Variants in ABAT observed in about 807,000 individuals in gnomAD.
The protein encoded by ABAT is 4-aminobutyrate aminotransferase, mitochondrial.
A neutral mutation model predicts 64.6 loss-of-function variants in ABAT; 45 were observed. The ratio of observed to expected loss-of-function variants is 0.70; its 90% confidence interval spans 0.55 to 0.89. The LOEUF is 0.89. ABAT is among the 40% of genes least tolerant of loss of function. The pLI is 0.00. For missense variants in ABAT, 633 were observed against 658.4 expected (o/e 0.96, Z 0.42); for synonymous variants, 297 against 250.5 (o/e 1.19, Z -1.75).
intron 5 of ABAT, among the ~76,000 whole-genome samples, chr16:8,755,342 G>A (rs1596458252): frequency 6.6e-6 from 1 of 152,216 alleles, no homozygotes; most frequent in Non-Finnish European, 1.5e-5. Context: ...GGAGGCAGAG[G>A]TGGGAATGAG....
intron 1 of ABAT, among the ~76,000 whole-genome samples, chr16:8,715,846 G>A (rs2058202570): frequency 6.6e-6 from 1 of 152,078 alleles, no homozygotes; most frequent in East Asian, 1.9e-4. Flanking sequence ...CTGAGGTTAT[G>A]TAAGAGAACA....
intron 5 of ABAT, 152 bp downstream of exon 5, chr16:8,750,691 G>A (rs1365385200): frequency 3.9e-6 from 3 of 767,072 alleles, no homozygotes; most frequent in Non-Finnish European, 7.0e-6. Context: ...TAAATAATGT[G>A]TAAAGGGTAT....
At chr16:8,751,199 T>C (rs1171831756) in intron 5 of ABAT, among the ~76,000 whole-genome samples, 1 of 152,168 alleles carries the variant, frequency 6.6e-6, no homozygotes, top group Non-Finnish European at 1.5e-5. Flanking sequence ...TCTGCCTGCC[T>C]CAGCCTCCCA....
At chr16:8,774,632 T>A (rs917191065) in intron 12 of ABAT, among the ~76,000 whole-genome samples, 1 of 152,048 alleles carries the variant, frequency 6.6e-6, no homozygotes, top group Non-Finnish European at 1.5e-5. Flanking sequence ...CAGGGAGTAT[T>A]TAATGTTCTG....
At chr16:8,771,980 G>A (rs939271396) in intron 11 of ABAT, among the ~76,000 whole-genome samples, 1 of 151,958 alleles carries the variant, frequency 6.6e-6, no homozygotes, top group Non-Finnish European at 1.5e-5. Flanking sequence ...GCACAGGCTG[G>A]TCTCAAACTC....
chr16:8,757,598 G>A (rs2059684505), intron 5 of ABAT, among the ~76,000 whole-genome samples, 159 bp from the exon 6 acceptor site: 1 of 152,170 alleles, frequency 6.6e-6, no homozygotes, highest in South Asian at 2.1e-4. Context: ...GTTAGGTGGG[G>A]CCCCAGGAAT....
At chr16:8,689,255 C>A (rs546219717) in intron 1 of ABAT, among the ~76,000 whole-genome samples, 1 of 151,994 alleles carries the variant, frequency 6.6e-6, no homozygotes, top group Non-Finnish European at 1.5e-5. Flanking sequence ...TTCATTTGGC[C>A]CAGTATCACT....
In ABAT at chr16:8,681,400, C is replaced by T. The variant is rs572294104; in HGVS notation, c.-42+6689C>T. On this transcript the variant is annotated intron_variant, in intron 1 of 15. Transcript: ENST00000268251. Reference sequence around the variant, plus strand: ...CACTATCTTGTGATCCTGGGAATACCACCAGTTCCTGCCTATCAGGAACTC... The same window carrying T: ...CACTATCTTGTGATCCTGGGAATACTACCAGTTCCTGCCTATCAGGAACTC... Among the ~76,000 whole-genome samples, 394 of 151,824 alleles carry T rather than the reference C, an allele frequency of 2.6e-3. 1 individual carries two copies. Among genetic ancestry groups the T allele is most frequent in the Non-Finnish European group, 4.7e-3 (318 of 67,982 alleles).
At chr16:8,780,650 A>G (rs1731072) in intron 15 of ABAT, 10,281 of 159,848 alleles carry the variant, frequency 0.064, 482 homozygotes, top group Admixed American at 0.15. Context: ...GATCCCAGCT[A>G]CTTGGGAGAC....
chr16:8,748,280 G>T, intron 4 of ABAT, 143 bp downstream of exon 4: 4 of 703,742 alleles, frequency 5.7e-6, no homozygotes, highest in East Asian at 2.8e-5. Context: ...TTTCCTTTGT[G>T]ATTTCTTCTT....
At chr16:8,744,198 G>A (rs564466272) in intron 2 of ABAT, among the ~76,000 whole-genome samples, 1 of 152,152 alleles carries the variant, frequency 6.6e-6, no homozygotes, top group African/African-American at 2.4e-5. Context: ...TTAAAGAAAA[G>A]AGGTTTAATT....
chr16:8,688,001 G>T (rs1367351899), intron 1 of ABAT, among the ~76,000 whole-genome samples: 1 of 151,990 alleles, frequency 6.6e-6, no homozygotes, highest in Non-Finnish European at 1.5e-5. Context: ...AGGCTCAAGG[G>T]ATCCTCCTGC....
At chr16:8,768,558 A>G (rs74815154) in intron 10 of ABAT, among the ~76,000 whole-genome samples, 2,913 of 152,290 alleles carry the variant, frequency 0.019, 81 homozygotes, top group South Asian at 0.06. Flanking sequence ...ACGCATGCCA[A>G]TTAAGGGTTC....
intron 12 of ABAT, among the ~76,000 whole-genome samples, chr16:8,773,349 G>A (rs1280819095): frequency 6.6e-6 from 1 of 151,932 alleles, no homozygotes; most frequent in African/African-American, 2.4e-5. Flanking sequence ...ACGAGATTTC[G>A]CCATGTTGGC....
At position 8,700,692 on chromosome 16, in the gene ABAT, G is replaced by A. The variant is rs75163168; in HGVS notation, c.-42+25981G>A. ...CTCCCCTGCAGCCTTGAACTCCTGG[G>A]ATCAAGCAGTCTTCCCACTCAGCTT... On this transcript the variant is annotated intron_variant, in intron 1 of 15. Coordinates refer to ENST00000268251, the MANE Select transcript of ABAT (RefSeq NM_020686.6). Among the ~76,000 whole-genome samples the A allele has an allele frequency of 4.4e-3, 675 of 152,182 alleles. 4 individuals are homozygous for A. The highest frequency in any genetic ancestry group is 0.015 in the African/African-American group (638 of 41,516).
intron 1 of ABAT, among the ~76,000 whole-genome samples, chr16:8,728,138 T>C (rs752439870): frequency 1.2e-4 from 18 of 152,222 alleles, no homozygotes; most frequent in Admixed American, 2.6e-4. Context: ...AGGTGCCTAA[T>C]TAACTTGTGT....
chr16:8,696,556 G>T lies in ABAT; in HGVS notation c.-42+21845G>T, dbSNP rs191927151. ...AATCACTTGAAAGGAGGCAGAGGTTGCAGTGAGCCGAAGCTGTGGAGCCAC... is the reference window on the plus strand; with the variant it reads ...AATCACTTGAAAGGAGGCAGAGGTTTCAGTGAGCCGAAGCTGTGGAGCCAC... On this transcript the variant is annotated intron_variant, in intron 1 of 15. Coordinates refer to ENST00000268251, the MANE Select transcript of ABAT (RefSeq NM_020686.6). Among the ~76,000 whole-genome samples the T allele has an allele frequency of 2.6e-3, 397 of 152,322 alleles. 4 individuals carry two copies. The highest frequency in any genetic ancestry group is 8.5e-3 in the African/African-American group (354 of 41,568).
Position 8,709,876 on chromosome 16 carries a change from C to T in ABAT, c.-41-25823C>T, listed in dbSNP as rs145884277. On this transcript the variant is annotated intron_variant, in intron 1 of 15. Coordinates refer to ENST00000268251, the MANE Select transcript of ABAT (RefSeq NM_020686.6). ...TCACTTTGTCACCCAGGCTGGAGTACAGTGGCACGGTAGCACAATCTCGGT... is the reference window on the plus strand; with the variant it reads ...TCACTTTGTCACCCAGGCTGGAGTATAGTGGCACGGTAGCACAATCTCGGT... 1.1e-3 allele frequency among the ~76,000 whole-genome samples: 164 copies of T among 150,760 alleles called. 2 individuals carry two copies. In the East Asian group the frequency reaches 0.03, roughly 27 times the overall value.
At chr16:8,692,682 G>T (rs1214866513) in intron 1 of ABAT, among the ~76,000 whole-genome samples, 2 of 152,198 alleles carry the variant, frequency 1.3e-5, no homozygotes, top group Admixed American at 1.3e-4. Context: ...AAAGGTCACT[G>T]CACTCCGCTG....
Sources: gnomAD v4.1 joint callset for allele counts (sites outside exome capture counted in the v4.1 genomes callset) on GRCh38, gnomAD v4.1.1 for gene constraint, MANE v1.5 for transcripts, NCBI Gene and HGNC (gene_info 2026-07-23, HGNC 2026-07-21) for gene names.